The following DDC variants were observed in gnomAD, a reference collection of about 807,000 sequenced individuals.
DDC encodes aromatic-L-amino-acid decarboxylase.
In DDC, 43 loss-of-function variants were observed where a neutral mutation model predicts 60.0. That is an observed-to-expected ratio of 0.72 (90% CI 0.56 to 0.92). The LOEUF (loss-of-function observed/expected upper bound fraction) is 0.92. Ranked by LOEUF, DDC falls within the 40% of genes least tolerant of loss-of-function variation. The pLI is 0.00. For synonymous variants in DDC, 232 were observed against 234.6 expected (o/e 0.99, Z 0.10); for missense variants, 573 against 620.2 (o/e 0.92, Z 0.81).
At chr7:50,518,775 C>T (rs1441252202) in intron 6 of DDC, among the ~76,000 whole-genome samples, 1 of 152,152 alleles carries the variant, frequency 6.6e-6, no homozygotes. Context: ...AGACCTGAAA[C>T]TATAAAAATT....
At chr7:50,503,840 T>C (rs774524994) in intron 7 of DDC, among the ~76,000 whole-genome samples, 153 bp downstream of exon 7, 12 of 152,198 alleles carry the variant, frequency 7.9e-5, no homozygotes, top group Non-Finnish European at 1.3e-4. Context: ...GAGTTCAAGC[T>C]AATGAGGTTT....
chr7:50,493,715 C>G (rs2043060142), intron 9 of DDC, among the ~76,000 whole-genome samples: 1 of 151,906 alleles, frequency 6.6e-6, no homozygotes, highest in South Asian at 2.1e-4. Context: ...TGCCCACATA[C>G]CAACTGGTTT....
chr7:50,494,245 C>T (rs912102156), intron 9 of DDC, among the ~76,000 whole-genome samples: 3 of 152,208 alleles, frequency 2.0e-5, no homozygotes, highest in Non-Finnish European at 2.9e-5. Flanking sequence ...CCGTGGCTTA[C>T]GCCTGTAATC....
intron 6 of DDC, among the ~76,000 whole-genome samples, chr7:50,511,707 C>A (rs532921088): frequency 6.6e-6 from 1 of 151,048 alleles, no homozygotes; most frequent in Non-Finnish European, 1.5e-5. Context: ...CCAGCCTGGG[C>A]GACAGAGCGA....
intron 6 of DDC, among the ~76,000 whole-genome samples, chr7:50,510,569 T>G (rs1446106987): frequency 6.7e-6 from 1 of 149,914 alleles, no homozygotes; most frequent in African/African-American, 2.5e-5. Flanking sequence ...TTTGGGAGGC[T>G]GAGGCAGGAG....
chr7:50,525,763 C>CA (rs143516683), intron 6 of DDC, among the ~76,000 whole-genome samples: 40,786 of 150,966 alleles, frequency 0.27, 5,854 homozygotes, highest in East Asian at 0.4. Flanking sequence ...GACTCTGTCT[C>CA]AAAAAAATAA....
intron 7 of DDC, among the ~76,000 whole-genome samples, chr7:50,501,101 G>C (rs1259144271): frequency 1.3e-5 from 2 of 152,184 alleles, no homozygotes; most frequent in Non-Finnish European, 2.9e-5. Context: ...CTAGCCCTGA[G>C]GCAAGGCTGC....
At chr7:50,499,579 C>T (rs147320059) in intron 7 of DDC, among the ~76,000 whole-genome samples, 35 of 152,264 alleles carry the variant, frequency 2.3e-4, no homozygotes, top group African/African-American at 8.2e-4. Context: ...CCACCCTTTC[C>T]ACCCACCTGG....
At position 50,539,999 on chromosome 7, in the gene DDC, G is replaced by A. The variant is rs751519679; in HGVS notation, c.231C>T (p.Phe77=). 20 of 1,613,838 alleles carry A rather than the reference G, an allele frequency of 1.2e-5. No individual in the cohort carries two copies. Among genetic ancestry groups the A allele is most frequent in the Middle Eastern group, 3.3e-4 (2 of 6,084 alleles). ...GVTHWHSPYF[F]AYFPTASSYP... is the part of the protein sequence containing the mutation. ...ACGAGCTGGCAGTGGGGAAGTAGGC[G>A]AAGAAGTAGGGGCTGTGCCAGTGCG... The change falls in exon 3 of 15, where the codon TTC becomes TTT. Residue 77 remains phenylalanine, a synonymous_variant. Transcript: ENST00000444124.
At chr7:50,538,031 TG>T in intron 3 of DDC, 52 bp from the exon 4 acceptor site, 1 of 1,612,990 alleles carries the variant, frequency 6.2e-7, no homozygotes, top group Non-Finnish European at 8.5e-7. Flanking sequence ...TTGCAGAATT[TG>T]GGGGTCAGCA....
intron 4 of DDC, among the ~76,000 whole-genome samples, chr7:50,533,126 AATG>A (rs567122861): frequency 2.0e-5 from 3 of 152,228 alleles, no homozygotes; most frequent in Non-Finnish European, 2.9e-5. Context: ...CTCACAATAA[AATG>A]ATAAGGAAAG....
chr7:50,546,705 T>C (rs2044818295), intron 1 of DDC, among the ~76,000 whole-genome samples: 1 of 152,242 alleles, frequency 6.6e-6, no homozygotes, highest in African/African-American at 2.4e-5. Context: ...AGTTTTTATG[T>C]CATTTCAAGG....
intron 6 of DDC, among the ~76,000 whole-genome samples, chr7:50,505,515 A>G (rs1563010631): frequency 1.3e-5 from 2 of 152,242 alleles, no homozygotes; most frequent in Non-Finnish European, 2.9e-5. Context: ...TGAGAACCCC[A>G]GTTCGAGACC....
At chr7:50,506,409 C>T (rs530221686) in intron 6 of DDC, among the ~76,000 whole-genome samples, 84 of 152,152 alleles carry the variant, frequency 5.5e-4, no homozygotes, top group Non-Finnish European at 8.7e-4. Context: ...ATGTAAATGA[C>T]GAGTTAATGG....
chr7:50,526,812 T>C (rs947131688), intron 6 of DDC, among the ~76,000 whole-genome samples: 1 of 152,132 alleles, frequency 6.6e-6, no homozygotes, highest in Non-Finnish European at 1.5e-5. Flanking sequence ...AGAAAACATA[T>C]GCAATTATAG....
At chr7:50,467,407 A>T in intron 12 of DDC, 92 bp from the exon 13 acceptor site, 1 of 1,065,922 alleles carries the variant, frequency 9.4e-7, no homozygotes, top group Non-Finnish European at 1.4e-6. Context: ...GCCCATGTAT[A>T]ATTCATTTAG....
chr7:50,559,428 C>CTTTTT (rs60591197), intron 1 of DDC, among the ~76,000 whole-genome samples: 1 of 143,316 alleles, frequency 7.0e-6, no homozygotes, highest in Non-Finnish European at 1.5e-5. Flanking sequence ...CAGAACATTT[C>CTTTTT]TTTTTTTTTT....
chr7:50,503,947 T>C lies in DDC; in HGVS notation c.781+46A>G, dbSNP rs762451113. The C allele has an allele frequency of 6.6e-6, 9 of 1,354,552 alleles. No individual in the cohort carries two copies. In the South Asian group the frequency reaches 1.0e-4, roughly 16 times the overall value. The allele number at this position is 1,354,552 out of a possible 1,614,324, so 83.9% of individuals were successfully genotyped here. A position where few individuals can be genotyped will look rare whatever the true frequency, so the allele number is the denominator to read the frequency against. ...CGAGGAAGGTTTGCTAAATTCCCCG[T>C]GTACAGAGAACATTTTCCAAAAAGA... On this transcript the variant is annotated intron_variant, in intron 7 of 14. Transcript: ENST00000444124.
intron 6 of DDC, among the ~76,000 whole-genome samples, chr7:50,514,258 C>A (rs562855341): frequency 1.3e-5 from 2 of 152,294 alleles, no homozygotes; most frequent in South Asian, 4.1e-4. Flanking sequence ...TCACAGGAAG[C>A]CACATCCATA....
Sources: allele counts gnomAD v4.1 joint callset (sites outside exome capture counted in the v4.1 genomes callset), GRCh38; gene constraint gnomAD v4.1.1; transcripts MANE v1.5; gene names NCBI Gene and HGNC (gene_info 2026-07-23, HGNC 2026-07-21).